Variants in DLGAP2 observed in about 807,000 individuals in gnomAD.
DLGAP2 encodes the protein disks large-associated protein 2.
Under a neutral mutation model 100.3 loss-of-function variants are expected in DLGAP2, and 26 were observed. That is an observed-to-expected ratio of 0.26 (90% CI 0.19 to 0.36). The LOEUF (loss-of-function observed/expected upper bound fraction) is 0.36, where lower values mean the gene tolerates loss of function less well. Ranked by LOEUF, DLGAP2 falls within the 10% of genes least tolerant of loss-of-function variation. The probability of loss-of-function intolerance (pLI) is 1.00; values close to 1 mark genes in which losing one functional copy is unlikely to be tolerated. For synonymous variants in DLGAP2, 886 were observed against 630.1 expected (o/e 1.41, Z -6.08); for missense variants, 1,858 against 1,453.2 (o/e 1.28, Z -4.53).
chr8:1,592,842 A>G (rs758837233), intron 6 of DLGAP2, among the ~76,000 whole-genome samples: 123 of 152,216 alleles, frequency 8.1e-4, no homozygotes, highest in Non-Finnish European at 3.8e-4. Context: ...CCGACTGACC[A>G]GGGTACCGCT....
intron 3 of DLGAP2, among the ~76,000 whole-genome samples, chr8:1,363,115 A>G (rs1802022663): frequency 6.6e-6 from 1 of 152,272 alleles, no homozygotes; most frequent in African/African-American, 2.4e-5. Context: ...CAAGTAATTC[A>G]TAAAAAGAAA....
chr8:1,496,731 C>T (rs73538546), intron 3 of DLGAP2, among the ~76,000 whole-genome samples: 1,796 of 152,280 alleles, frequency 0.012, 34 homozygotes, highest in African/African-American at 0.041. Flanking sequence ...TTAGAAAGTG[C>T]GCCTGTGTTG....
At chr8:803,333 T>C (rs764102220) in intron 1 of DLGAP2, among the ~76,000 whole-genome samples, 5 of 152,264 alleles carry the variant, frequency 3.3e-5, no homozygotes, top group Admixed American at 2.0e-4. Flanking sequence ...ATATTATACT[T>C]ACTTTTGCTT....
chr8:1,221,894 T>G (rs571789961), intron 2 of DLGAP2, among the ~76,000 whole-genome samples: 1 of 152,360 alleles, frequency 6.6e-6, no homozygotes, highest in South Asian at 2.1e-4. Context: ...ATTCTGTTAT[T>G]AATGCTTCTA....
At chr8:1,548,563 C>G in intron 4 of DLGAP2, 63 bp from the exon 5 acceptor site, 1 of 1,394,796 alleles carries the variant, frequency 7.2e-7, no homozygotes, top group Non-Finnish European at 9.4e-7. Flanking sequence ...GTCACATATT[C>G]CCCGCACCTG....
At chr8:1,342,714 A>G (rs1801445841) in intron 3 of DLGAP2, among the ~76,000 whole-genome samples, 1 of 152,358 alleles carries the variant, frequency 6.6e-6, no homozygotes. Flanking sequence ...ATTGAAAATG[A>G]CTAAGCAGAA....
intron 1 of DLGAP2, among the ~76,000 whole-genome samples, chr8:794,763 C>G (rs545099493): frequency 1.6e-4 from 25 of 152,186 alleles, no homozygotes; most frequent in African/African-American, 5.8e-4. Flanking sequence ...TTTTTGGGGG[C>G]CTGCTCCCAA....
intron 1 of DLGAP2, among the ~76,000 whole-genome samples, chr8:863,453 T>C (rs917105854): frequency 6.6e-6 from 1 of 152,228 alleles, no homozygotes; most frequent in African/African-American, 2.4e-5. Flanking sequence ...CAGCACCTTG[T>C]TGTGTTTCGG....
At chr8:1,500,712 A>C (rs539141030) in intron 3 of DLGAP2, among the ~76,000 whole-genome samples, 51 of 152,398 alleles carry the variant, frequency 3.3e-4, no homozygotes, top group African/African-American at 1.2e-3. Context: ...GACCTTTTAC[A>C]GCCACATGCT....
intron 2 of DLGAP2, among the ~76,000 whole-genome samples, chr8:1,102,454 G>C (rs1485602095): frequency 1.3e-5 from 2 of 151,284 alleles, no homozygotes; most frequent in Admixed American, 1.3e-4. Flanking sequence ...AAAAATCCAT[G>C]GCGGAGAGAG....
chr8:1,417,056 C>T (rs181135749), intron 3 of DLGAP2, among the ~76,000 whole-genome samples: 269 of 56,924 alleles, frequency 4.7e-3, no homozygotes, highest in African/African-American at 0.026. Context: ...ACACTGTCCC[C>T]GGCGGGTTCA....
At chr8:994,217 T>C (rs1800719850) in intron 2 of DLGAP2, among the ~76,000 whole-genome samples, 1 of 152,186 alleles carries the variant, frequency 6.6e-6, no homozygotes, top group African/African-American at 2.4e-5. Flanking sequence ...TTTTATTTTT[T>C]GAGTTGGAGT....
chr8:1,383,880 G>A (rs1796151981), intron 3 of DLGAP2, among the ~76,000 whole-genome samples: 1 of 152,188 alleles, frequency 6.6e-6, no homozygotes, highest in Admixed American at 6.5e-5. Flanking sequence ...GAGAGCGGCA[G>A]ATGTCTTTGG....
intron 4 of DLGAP2, among the ~76,000 whole-genome samples, chr8:1,537,335 T>C (rs975992247): frequency 6.6e-6 from 1 of 152,160 alleles, no homozygotes; most frequent in African/African-American, 2.4e-5. Flanking sequence ...TGAGTGTGTG[T>C]TGGGGTGGAG....
chr8:883,575 G>A (rs1027225618), intron 1 of DLGAP2, among the ~76,000 whole-genome samples: 21 of 151,554 alleles, frequency 1.4e-4, no homozygotes, highest in African/African-American at 4.6e-4. Context: ...ACAGGTACGC[G>A]TGTGCCGCGG....
intron 2 of DLGAP2, among the ~76,000 whole-genome samples, chr8:1,205,484 A>C (rs976425244): frequency 6.6e-6 from 1 of 152,200 alleles, no homozygotes; most frequent in African/African-American, 2.4e-5. Context: ...GAGAGAGTCC[A>C]GGCAATTGAC....
rs187309653 is a variant in DLGAP2, at chr8:1,263,815, G to A, written c.106+4932G>A. Among the ~76,000 whole-genome samples the A allele has an allele frequency of 1.3e-3, 199 of 152,270 alleles. 1 individual carries two copies. Among genetic ancestry groups the A allele is most frequent in the Non-Finnish European group, 6.3e-4 (43 of 68,038 alleles). On this transcript the variant is annotated intron_variant, in intron 3 of 14. Coordinates refer to ENST00000637795, the MANE Select transcript of DLGAP2 (RefSeq NM_001346810.2). ...CTGTTTCAAAGACAGCTGCCACCCT[G>A]TCTCTCTGAGACCACAGCTCTTTAA...
chr8:1,552,130 C>T (rs1376582510), intron 5 of DLGAP2, among the ~76,000 whole-genome samples: 1 of 152,226 alleles, frequency 6.6e-6, no homozygotes, highest in African/African-American at 2.4e-5. Context: ...GACTTCCCTG[C>T]CCTGACGCCA....
At chr8:1,077,449 G>C (rs1803658278) in intron 2 of DLGAP2, among the ~76,000 whole-genome samples, 1 of 152,194 alleles carries the variant, frequency 6.6e-6, no homozygotes, top group African/African-American at 2.4e-5. Context: ...AGCTTCTAAA[G>C]TGAGTCACTT....
Sources: gnomAD v4.1 joint callset for allele counts (sites outside exome capture counted in the v4.1 genomes callset) on GRCh38, gnomAD v4.1.1 for gene constraint, MANE v1.5 for transcripts, NCBI Gene and HGNC (gene_info 2026-07-23, HGNC 2026-07-21) for gene names.